Variants in CDKAL1 observed in about 807,000 individuals in gnomAD.
The protein encoded by CDKAL1 is threonylcarbamoyladenosine tRNA methylthiotransferase.
A neutral mutation model predicts 68.2 loss-of-function variants in CDKAL1; 32 were observed. That is an observed-to-expected ratio of 0.47 (90% confidence interval 0.35 to 0.63). The LOEUF is 0.63. Among genes scored for constraint, CDKAL1 ranks in the 30% least tolerant of loss-of-function variants. The pLI is 0.00. For synonymous variants in CDKAL1, 234 were observed against 244.3 expected (o/e 0.96, Z 0.39); for missense variants, 606 against 696.7 (o/e 0.87, Z 1.47).
intron 4 of CDKAL1, among the ~76,000 whole-genome samples, chr6:20,578,145 C>T (rs16883963): frequency 6.6e-6 from 1 of 152,074 alleles, no homozygotes; most frequent in African/African-American, 2.4e-5. Flanking sequence ...TACAAAAAAT[C>T]GATACTGATG....
At chr6:20,811,929 T>G (rs1007268578) in intron 8 of CDKAL1, among the ~76,000 whole-genome samples, 1 of 152,210 alleles carries the variant, frequency 6.6e-6, no homozygotes, top group East Asian at 1.9e-4. Flanking sequence ...TACATCCCTT[T>G]ACAAATATAA....
At chr6:21,229,074 T>G (rs1051169157) in intron 15 of CDKAL1, among the ~76,000 whole-genome samples, 1 of 151,942 alleles carries the variant, frequency 6.6e-6, no homozygotes, top group Non-Finnish European at 1.5e-5. Context: ...ACCTGAGGAG[T>G]GCAGCAGTAA....
chr6:20,812,254 GGTTT>G (rs1776852094), intron 8 of CDKAL1, among the ~76,000 whole-genome samples: 1 of 152,036 alleles, frequency 6.6e-6, no homozygotes, highest in Admixed American at 6.6e-5. Context: ...TAAGTATTAT[GGTTT>G]GTTTTTGTTT....
chr6:20,821,563 C>T (rs964051768), intron 8 of CDKAL1, among the ~76,000 whole-genome samples: 3 of 152,130 alleles, frequency 2.0e-5, no homozygotes, highest in South Asian at 2.1e-4. Flanking sequence ...TGACTTTCAT[C>T]GCTTACCAGA....
chr6:20,928,902 C>G (rs1002584965), intron 9 of CDKAL1, among the ~76,000 whole-genome samples: 12 of 152,162 alleles, frequency 7.9e-5, no homozygotes, highest in African/African-American at 2.9e-4. Flanking sequence ...CTTTTTCATA[C>G]ACAAATCTAT....
intron 11 of CDKAL1, among the ~76,000 whole-genome samples, chr6:21,003,474 G>A (rs1323494331): frequency 6.7e-6 from 1 of 150,088 alleles, no homozygotes; most frequent in Non-Finnish European, 1.5e-5. Context: ...GCTGAGGCAG[G>A]AGAATCACTT....
intron 8 of CDKAL1, among the ~76,000 whole-genome samples, chr6:20,808,377 C>T (rs1217825286): frequency 1.3e-5 from 2 of 151,960 alleles, no homozygotes; most frequent in Non-Finnish European, 2.9e-5. Context: ...TTGACATTGA[C>T]TTTTGGCCTA....
intron 9 of CDKAL1, among the ~76,000 whole-genome samples, chr6:20,951,570 G>A (rs966345896): frequency 6.6e-6 from 1 of 152,172 alleles, no homozygotes; most frequent in Non-Finnish European, 1.5e-5. Context: ...AATTGCTTGG[G>A]TAAGATGATA....
intron 5 of CDKAL1, among the ~76,000 whole-genome samples, chr6:20,710,790 G>C (rs896109887): frequency 1.3e-5 from 2 of 152,114 alleles, no homozygotes; most frequent in African/African-American, 4.8e-5. Context: ...TGCAGTAATG[G>C]ATTATTTTTG....
chr6:20,933,581 A>G (rs953895875), intron 9 of CDKAL1, among the ~76,000 whole-genome samples: 2 of 152,242 alleles, frequency 1.3e-5, no homozygotes, highest in African/African-American at 2.4e-5. Context: ...TACTGATGCA[A>G]TGAGATAAAA....
rs73383773 is a variant in CDKAL1, at chr6:21,147,598, T to A, written c.1299+39135T>A. Among the ~76,000 whole-genome samples, 1,318 of 152,324 alleles carry A rather than the reference T, an allele frequency of 8.7e-3. 17 individuals carry two copies. The highest frequency in any genetic ancestry group is 0.03 in the African/African-American group (1,244 of 41,576). ...CTGCAACCAAGACCACCCTCTCTCC[T>A]TGAGTCCTGTGGGATCCTGACTTTA... On this transcript the variant is annotated intron_variant, in intron 13 of 15. Coordinates refer to ENST00000274695, the MANE Select transcript of CDKAL1 (RefSeq NM_017774.3).
intron 4 of CDKAL1, among the ~76,000 whole-genome samples, chr6:20,609,274 C>CT: frequency 1.4e-5 from 2 of 145,836 alleles, no homozygotes; most frequent in Non-Finnish European, 3.0e-5. Context: ...CCTCCTCCTT[C>CT]TCCTCCTTCT....
At chr6:20,712,546 A>G (rs1771896005) in intron 5 of CDKAL1, among the ~76,000 whole-genome samples, 1 of 152,102 alleles carries the variant, frequency 6.6e-6, no homozygotes, top group Admixed American at 6.6e-5. Context: ...AGAAAATTTA[A>G]AAAAAGAAAA....
At position 21,139,521 on chromosome 6, in the gene CDKAL1, T is replaced by C. The variant is rs186119849; in HGVS notation, c.1299+31058T>C. On this transcript the variant is annotated intron_variant, in intron 13 of 15. Coordinates refer to ENST00000274695, the MANE Select transcript of CDKAL1 (RefSeq NM_017774.3). Reference sequence around the variant, plus strand: ...TTACTGTGCCTTTCCTTTCTTGCCTTTTTTTCCCCTTGAAACAGGGTCTCT... The same window carrying C: ...TTACTGTGCCTTTCCTTTCTTGCCTCTTTTTCCCCTTGAAACAGGGTCTCT... 1.5e-3 allele frequency among the ~76,000 whole-genome samples: 229 copies of C among 152,306 alleles called. 2 individuals carry two copies. The East Asian group carries it at 0.037, about 24-fold the overall frequency.
intron 10 of CDKAL1, among the ~76,000 whole-genome samples, chr6:20,989,424 C>T (rs1244031879): frequency 6.6e-6 from 1 of 152,182 alleles, no homozygotes; most frequent in Non-Finnish European, 1.5e-5. Flanking sequence ...CTGCTTAAAC[C>T]ATGGAACTAA....
At chr6:20,872,179 G>A (rs1222607541) in intron 9 of CDKAL1, among the ~76,000 whole-genome samples, 2 of 152,102 alleles carry the variant, frequency 1.3e-5, no homozygotes, top group East Asian at 1.9e-4. Context: ...ATTTAAAAAT[G>A]TATATTTTAG....
chr6:20,683,116 T>TA lies in CDKAL1; in HGVS notation c.371+33739_371+33740insA, dbSNP rs1770459539. On this transcript the variant is annotated intron_variant, in intron 5 of 15. Coordinates refer to ENST00000274695, the MANE Select transcript of CDKAL1 (RefSeq NM_017774.3). Reference sequence around the variant, plus strand: ...TAGCTGGAACTACAGGTGCACACACTGTGCCTGTCTTATATTTTATTGAGT... The same window carrying TA: ...TAGCTGGAACTACAGGTGCACACACTAGTGCCTGTCTTATATTTTATTGAGT... 3.9e-5 allele frequency among the ~76,000 whole-genome samples: 6 copies of TA among 152,108 alleles called. No individual in the cohort carries two copies. In the South Asian group the frequency reaches 1.2e-3, roughly 32 times the overall value.
rs546220636 is a variant in CDKAL1 at position 21,232,268 on chromosome 6, A to G, written c.*1229A>G. 1.3e-5 allele frequency: 2 copies of G among 152,238 alleles called. No homozygotes were observed. The highest frequency in any genetic ancestry group is 4.8e-5 in the African/African-American group (2 of 41,544). The allele number at this position is 152,238 out of a possible 1,614,324, so 9.4% of individuals were successfully genotyped here. ...GCAGTCTTCTTGCCTCAGCCTCCCA[A>G]AGTGCTGGGATTACAGGCGTGAGCC... is the stretch of plus-strand genomic sequence containing the variant. On this transcript the variant is annotated 3_prime_UTR_variant, in exon 16 of 16. Coordinates refer to ENST00000274695, the MANE Select transcript of CDKAL1 (RefSeq NM_017774.3).
chr6:20,771,510 C>T (rs189533137), intron 7 of CDKAL1, among the ~76,000 whole-genome samples: 1 of 152,178 alleles, frequency 6.6e-6, no homozygotes, highest in Admixed American at 6.5e-5. Flanking sequence ...TTCTGTCACA[C>T]TTTATGGTGG....
Sources: gnomAD v4.1 joint callset for allele counts (sites outside exome capture counted in the v4.1 genomes callset) on GRCh38, gnomAD v4.1.1 for gene constraint, MANE v1.5 for transcripts, NCBI Gene and HGNC (gene_info 2026-07-23, HGNC 2026-07-21) for gene names.